The following SPATA7 variants were observed in gnomAD, a reference collection of about 807,000 sequenced individuals.
SPATA7 encodes spermatogenesis-associated protein 7.
Under a neutral mutation model 51.8 loss-of-function variants are expected in SPATA7, and 43 were observed. The observed-to-expected ratio is 0.83, with a 90% CI of 0.65 to 1.07. The LOEUF is 1.07. Ranked by LOEUF, SPATA7 falls within the 50% of genes least tolerant of loss-of-function variation. The pLI, the probability that SPATA7 is intolerant of heterozygous loss-of-function variation, is 0.00. For synonymous variants in SPATA7, 230 were observed against 252.8 expected (o/e 0.91, Z 0.86); for missense variants, 683 against 701.3 (o/e 0.97, Z 0.30).
chr14:88,434,729 A>C (rs2077037783), intron 10 of SPATA7, among the ~76,000 whole-genome samples: 1 of 151,994 alleles, frequency 6.6e-6, no homozygotes, highest in African/African-American at 2.4e-5. Context: ...AAAACAAGAT[A>C]GATACCCAAA....
At chr14:88,421,119 A>T (rs1256751710) in intron 5 of SPATA7, among the ~76,000 whole-genome samples, 1 of 152,158 alleles carries the variant, frequency 6.6e-6, no homozygotes, top group South Asian at 2.1e-4. Context: ...TCTCAAAAAA[A>T]AAAATAATTA....
intron 1 of SPATA7, among the ~76,000 whole-genome samples, chr14:88,391,081 T>C (rs10483997): frequency 0.035 from 5,367 of 152,272 alleles, 310 homozygotes; most frequent in African/African-American, 0.12. Flanking sequence ...TCTTCTAGAC[T>C]TTCTATGTGT....
chr14:88,435,139 A>G (rs1232936877), intron 10 of SPATA7, among the ~76,000 whole-genome samples: 1 of 152,314 alleles, frequency 6.6e-6, no homozygotes, highest in Admixed American at 6.5e-5. Context: ...TGGTTTTTAC[A>G]CTATCTTTCC....
intron 4 of SPATA7, among the ~76,000 whole-genome samples, chr14:88,403,053 C>T (rs2076113317): frequency 6.7e-6 from 1 of 150,212 alleles, no homozygotes; most frequent in African/African-American, 2.4e-5. Context: ...ATACAAGTGG[C>T]CAATAAGTGT....
At chr14:88,397,238 G>A (rs2075910086) in intron 4 of SPATA7, among the ~76,000 whole-genome samples, 1 of 152,110 alleles carries the variant, frequency 6.6e-6, no homozygotes, top group Non-Finnish European at 1.5e-5. Context: ...TATGACTAAT[G>A]ATGCTCAAGT....
At chr14:88,468,979 C>G in intron 4 of SPATA7, 1 of 1,614,174 alleles carries the variant, frequency 6.2e-7, no homozygotes, top group Non-Finnish European at 8.5e-7. Context: ...TCCTTCCTAC[C>G]CCAGCACTGC....
Position 88,427,485 on chromosome 14 carries a change from A to G in SPATA7, c.846-145A>G, listed in dbSNP as rs576321609. ...TGAGTCTGCAGATATTTAATCAAAT[A>G]AAATCAAATAATTCAAAATTATGTA... On this transcript the variant is annotated intron_variant, in intron 6 of 11. Transcript: ENST00000393545. The G allele has an allele frequency of 1.8e-5, 11 of 607,588 alleles. No individual in the cohort carries two copies. The East Asian group carries it at 3.2e-4, about 18-fold the overall frequency. 37.6% of individuals were successfully genotyped at this position (607,588 alleles called of 1,614,324 possible).
At chr14:88,396,526 C>T (rs1457911283) in intron 4 of SPATA7, among the ~76,000 whole-genome samples, 1 of 152,124 alleles carries the variant, frequency 6.6e-6, no homozygotes, top group South Asian at 2.1e-4. Flanking sequence ...GGAATCATAT[C>T]GTGTTTGTTC....
At position 88,421,214 on chromosome 14, in the gene SPATA7, G is replaced by A. The variant is rs576759946; in HGVS notation, c.372+4370G>A. Among the ~76,000 whole-genome samples the A allele has an allele frequency of 4.6e-5, 7 of 152,206 alleles. No homozygotes were observed. The South Asian group carries it at 1.5e-3, about 32-fold the overall frequency. Reference sequence around the variant, plus strand: ...TTTGAGTTTGTTAGAGTTGGTATTAGAAGGCCAGCAGTCTCCTTCAACTCA... The same window carrying A: ...TTTGAGTTTGTTAGAGTTGGTATTAAAAGGCCAGCAGTCTCCTTCAACTCA... On this transcript the variant is annotated intron_variant, in intron 5 of 11. Coordinates refer to ENST00000393545, the MANE Select transcript of SPATA7 (RefSeq NM_018418.5).
At chr14:88,405,761 T>C (rs996290324) in intron 4 of SPATA7, among the ~76,000 whole-genome samples, 2 of 152,194 alleles carry the variant, frequency 1.3e-5, no homozygotes, top group Admixed American at 6.5e-5. Context: ...ACATAGCCAG[T>C]TGGCAACCCT....
chr14:88,416,962 A>T, intron 5 of SPATA7, 118 bp downstream of exon 5: 5 of 819,072 alleles, frequency 6.1e-6, no homozygotes, highest in Non-Finnish European at 9.6e-6. Context: ...AAAGATCCAG[A>T]TAGTTAATAT....
intron 4 of SPATA7, 147 bp downstream of exon 4, chr14:88,396,350 C>A: frequency 1.5e-6 from 1 of 647,718 alleles, no homozygotes; most frequent in Non-Finnish European, 2.8e-6. Flanking sequence ...CTACTACCTC[C>A]AGAACTCTCT....
intron 3 of SPATA7, among the ~76,000 whole-genome samples, chr14:88,447,891 G>A (rs1413183254): frequency 2.0e-5 from 3 of 151,958 alleles, no homozygotes; most frequent in South Asian, 2.1e-4. Flanking sequence ...AGGGTAACCC[G>A]ACCTTTCTCT....
intron 4 of SPATA7, among the ~76,000 whole-genome samples, chr14:88,468,478 A>T (rs977737380): frequency 3.3e-5 from 5 of 152,194 alleles, no homozygotes; most frequent in Non-Finnish European, 7.3e-5. Context: ...TATTTCTTCA[A>T]CATTCCCCAG....
chr14:88,446,915 AT>A lies in SPATA7; in HGVS notation c.178-8141del, dbSNP rs527591545. Among the ~76,000 whole-genome samples the A allele has an allele frequency of 9.8e-4, 149 of 152,250 alleles. 1 individual carries two copies. The highest frequency in any genetic ancestry group is 3.2e-3 in the African/African-American group (134 of 41,536). ...AGCTTTACTTCCAAGTATGTGGTCA[AT>A]TTTGGAATAGGTGTGGTGTGGTGCT... is the stretch of plus-strand genomic sequence containing the variant. On this transcript the variant is annotated intron_variant, in intron 3 of 3. Coordinates refer to the SPATA7 transcript ENST00000554802.
chr14:88,428,577 G>T (rs1321878223), intron 7 of SPATA7: 1 of 152,132 alleles, frequency 6.6e-6, no homozygotes, highest in South Asian at 2.1e-4. Context: ...AATGATGTAG[G>T]CAAAGTGCCT....
At chr14:88,453,895 T>A (rs993439299) in intron 3 of SPATA7, among the ~76,000 whole-genome samples, 8 of 152,036 alleles carry the variant, frequency 5.3e-5, no homozygotes, top group African/African-American at 1.9e-4. Context: ...TGGGTTGGAG[T>A]AAGGAAAGTT....
chr14:88,463,971 CCT>C (rs763809187), intron 4 of SPATA7, among the ~76,000 whole-genome samples: 1 of 151,910 alleles, frequency 6.6e-6, no homozygotes, highest in African/African-American at 2.4e-5. Context: ...CCTCAGCCTC[CCT>C]GAGTAGCTGG....
At chr14:88,440,529 C>A (rs569447599), downstream of SPATA7, among the ~76,000 whole-genome samples, 19 of 152,234 alleles carry the variant, frequency 1.2e-4, no homozygotes, top group East Asian at 5.8e-4. Flanking sequence ...CTAGCAGCAT[C>A]TTTTTTTATC....
Sources: allele counts gnomAD v4.1 joint callset (sites outside exome capture counted in the v4.1 genomes callset), GRCh38; gene constraint gnomAD v4.1.1; transcripts MANE v1.5; gene names NCBI Gene and HGNC (gene_info 2026-07-23, HGNC 2026-07-21).